Variants in PLPP4 observed in about 807,000 individuals in gnomAD.
The protein encoded by PLPP4 is diacylglycerol pyrophosphate like 2.
A neutral mutation model predicts 32.2 loss-of-function variants in PLPP4; 20 were observed. The observed-to-expected ratio is 0.62, with a 90% CI of 0.44 to 0.90. The LOEUF (loss-of-function observed/expected upper bound fraction) is 0.90. Among genes scored for constraint, PLPP4 ranks in the 40% least tolerant of loss-of-function variants. PLPP4 has a pLI of 0.00. For missense variants in PLPP4, 257 were observed against 353.1 expected (o/e 0.73, Z 2.18); for synonymous variants, 127 against 133.0 (o/e 0.95, Z 0.31).
At chr10:120,589,193 A>T in intron 6 of PLPP4, 110 bp from the exon 7 acceptor site, 1 of 1,067,922 alleles carries the variant, frequency 9.4e-7, no homozygotes, top group Non-Finnish European at 1.4e-6. Flanking sequence ...GGGGTCCTGT[A>T]AGCAAACCAG....
At chr10:120,481,918 A>G (rs1043827139) in intron 1 of PLPP4, among the ~76,000 whole-genome samples, 2 of 152,094 alleles carry the variant, frequency 1.3e-5, no homozygotes, top group African/African-American at 2.4e-5. Flanking sequence ...ACAAGATCTG[A>G]TGGTTCTATA....
At chr10:120,564,870 G>A (rs1264306755) in intron 5 of PLPP4, among the ~76,000 whole-genome samples, 2 of 151,890 alleles carry the variant, frequency 1.3e-5, no homozygotes, top group East Asian at 3.9e-4. Context: ...TAAATAGGGA[G>A]CAAATTTCTA....
chr10:120,524,524 T>A (rs768638063), intron 5 of PLPP4, among the ~76,000 whole-genome samples: 106 of 152,202 alleles, frequency 7.0e-4, no homozygotes, highest in Non-Finnish European at 1.3e-3. Flanking sequence ...GGTCCTCATA[T>A]CGTCCTTAGA....
At chr10:120,500,460 C>T (rs189862419) in intron 1 of PLPP4, among the ~76,000 whole-genome samples, 1 of 152,260 alleles carries the variant, frequency 6.6e-6, no homozygotes, top group Admixed American at 6.5e-5. Context: ...TGCCACTACC[C>T]AGTCAATGGG....
intron 3 of PLPP4, among the ~76,000 whole-genome samples, chr10:120,514,671 A>C (rs903750458): frequency 6.6e-6 from 1 of 152,206 alleles, no homozygotes; most frequent in Admixed American, 6.5e-5. Flanking sequence ...TGATAATCAA[A>C]TCCTGAGTAA....
chr10:120,550,472 G>A (rs12777398), intron 5 of PLPP4, among the ~76,000 whole-genome samples: 31,623 of 151,616 alleles, frequency 0.21, 3,831 homozygotes, highest in Non-Finnish European at 0.27. Flanking sequence ...TAGGATAGCC[G>A]AACAATTTTC....
At chr10:120,458,132 T>C (rs1847878028) in intron 1 of PLPP4, among the ~76,000 whole-genome samples, 1 of 152,150 alleles carries the variant, frequency 6.6e-6, no homozygotes, top group Non-Finnish European at 1.5e-5. Flanking sequence ...CCACCGCTCA[T>C]TGACTTCCAG....
At chr10:120,503,787 A>G (rs772187912) in intron 1 of PLPP4, 31 bp from the exon 2 acceptor site, 2 of 1,595,210 alleles carry the variant, frequency 1.3e-6, no homozygotes, top group African/African-American at 1.3e-5. Context: ...AGAACGCTCA[A>G]CCTTCATGTA....
rs1846547429 is a variant in PLPP4, at chr10:120,528,692, TTGCTTTGGGCA to T, written c.445+7601_445+7611del. 3.3e-5 allele frequency among the ~76,000 whole-genome samples: 5 copies of T among 152,316 alleles called. No individual in the cohort carries two copies. The South Asian group carries it at 1.0e-3, about 32-fold the overall frequency. ...AGACTCCCCCTAGATCCTGGGAGGC[TTGCTTTGGGCA>T]TGCCAAGTCCCTGGAGGGAATGGTT... On this transcript the variant is annotated intron_variant, in intron 5 of 6. Transcript: ENST00000398250.
intron 5 of PLPP4, among the ~76,000 whole-genome samples, chr10:120,573,124 G>T (rs1015288229): frequency 7.9e-5 from 12 of 152,262 alleles, no homozygotes; most frequent in African/African-American, 2.9e-4. Context: ...TCTAGCCATA[G>T]AACTTGCTAC....
At chr10:120,474,558 G>T (rs1843811575) in intron 1 of PLPP4, among the ~76,000 whole-genome samples, 2 of 151,766 alleles carry the variant, frequency 1.3e-5, no homozygotes, top group African/African-American at 4.8e-5. Flanking sequence ...CATTCTTGTG[G>T]ACCAATAAAA....
intron 1 of PLPP4, among the ~76,000 whole-genome samples, chr10:120,460,026 AC>A (rs376317530): frequency 3.3e-5 from 5 of 151,774 alleles, no homozygotes; most frequent in African/African-American, 1.2e-4. Flanking sequence ...CTCTCCAGGC[AC>A]CCCCGCTCCC....
At chr10:120,518,714 T>C (rs762814636) in intron 3 of PLPP4, 119 bp from the exon 4 acceptor site, 2 of 770,494 alleles carry the variant, frequency 2.6e-6, no homozygotes, top group Middle Eastern at 3.6e-4. Context: ...TATTCGTTCA[T>C]ATTTCTCTGG....
chr10:120,457,622 C>T (rs1246915236), intron 1 of PLPP4, among the ~76,000 whole-genome samples: 1 of 152,160 alleles, frequency 6.6e-6, no homozygotes, highest in Non-Finnish European at 1.5e-5. Context: ...CCGCGCCTGT[C>T]GCCAGCCCCG....
At chr10:120,503,018 G>A (rs1352172870) in intron 1 of PLPP4, among the ~76,000 whole-genome samples, 1 of 152,178 alleles carries the variant, frequency 6.6e-6, no homozygotes, top group African/African-American at 2.4e-5. Flanking sequence ...CAATCTGCTA[G>A]TCTCTCTTGT....
In PLPP4 at chr10:120,576,016, G is replaced by C. The variant is rs147681558; in HGVS notation, c.616+715G>C. 4.1e-3 allele frequency among the ~76,000 whole-genome samples: 627 copies of C among 152,226 alleles called. 1 individual carries two copies. Among genetic ancestry groups the C allele is most frequent in the Middle Eastern group, 0.01 (3 of 294 alleles). Reference sequence around the variant, plus strand: ...GAGGTGTGGCCTCCAGGAAGCATGGGGTCTAGGGAAGGGTTTCCCAAGGGC... The same window carrying C: ...GAGGTGTGGCCTCCAGGAAGCATGGCGTCTAGGGAAGGGTTTCCCAAGGGC... On this transcript the variant is annotated intron_variant, in intron 6 of 6. Transcript: ENST00000398250.
intron 5 of PLPP4, among the ~76,000 whole-genome samples, chr10:120,532,741 C>T (rs544545134): frequency 1.1e-4 from 17 of 152,212 alleles, no homozygotes; most frequent in South Asian, 2.1e-4. Context: ...TATAGTCATT[C>T]GTGACTGATT....
At chr10:120,549,773 G>A (rs1266545014) in intron 5 of PLPP4, among the ~76,000 whole-genome samples, 1 of 151,858 alleles carries the variant, frequency 6.6e-6, no homozygotes, top group East Asian at 1.9e-4. Flanking sequence ...AATAGATGTG[G>A]AAAAAGCAAC....
intron 3 of PLPP4, among the ~76,000 whole-genome samples, chr10:120,517,002 A>G (rs1822399445): frequency 6.6e-6 from 1 of 152,208 alleles, no homozygotes; most frequent in African/African-American, 2.4e-5. Flanking sequence ...TGCCAACTGT[A>G]GGTGGTTATA....
Sources: gnomAD v4.1 joint callset for allele counts (sites outside exome capture counted in the v4.1 genomes callset) on GRCh38, gnomAD v4.1.1 for gene constraint, MANE v1.5 for transcripts, NCBI Gene and HGNC (gene_info 2026-07-23, HGNC 2026-07-21) for gene names.